Variants in NUAK1 observed in about 807,000 individuals in gnomAD.
The protein encoded by NUAK1 is NUAK family SNF1-like kinase 1.
Under a neutral mutation model 56.9 loss-of-function variants are expected in NUAK1, and 26 were observed. The observed-to-expected ratio is 0.46, with a 90% CI of 0.33 to 0.63. NUAK1 has a LOEUF of 0.63. Ranked by LOEUF, NUAK1 falls within the 30% of genes least tolerant of loss-of-function variation. NUAK1 has a pLI of 0.02. For missense variants in NUAK1, 727 were observed against 876.1 expected, an observed-to-expected ratio of 0.83 and a Z score of 2.15; for synonymous variants, 337 against 336.0, an observed-to-expected ratio of 1.00 and a Z score of -0.03.
chr12:106,066,482 C>T lies in NUAK1; in HGVS notation c.*320G>A, dbSNP rs965343919. On this transcript the variant is annotated 3_prime_UTR_variant, in exon 7 of 7. Coordinates refer to ENST00000261402, the MANE Select transcript of NUAK1 (RefSeq NM_014840.3). ...CATCTGGATGACTTCTAAGGAAATG[C>T]TCCTTCCACATATGCTTCCTCTCCA... 6.1e-6 allele frequency: 2 copies of T among 325,664 alleles called. No homozygotes were observed. The highest frequency in any genetic ancestry group is 4.6e-5 in the Admixed American group (1 of 21,684). The allele number at this position is 325,664 out of a possible 1,614,324, so 20.2% of individuals were successfully genotyped here.
chr12:106,100,401 G>C (rs969424446), intron 2 of NUAK1, among the ~76,000 whole-genome samples: 2 of 152,058 alleles, frequency 1.3e-5, no homozygotes, highest in Non-Finnish European at 2.9e-5. Context: ...TGCGCATGCT[G>C]TTCCCTTTGT....
chr12:106,127,252 A>T (rs1291565641), intron 1 of NUAK1, among the ~76,000 whole-genome samples: 1 of 151,938 alleles, frequency 6.6e-6, no homozygotes, highest in Non-Finnish European at 1.5e-5. Flanking sequence ...GTGGCCTCCA[A>T]CTCCTGGGCT....
At position 106,083,929 on chromosome 12, in the gene NUAK1, T is replaced by C; in HGVS notation, c.514A>G (p.Asn172Asp). 6.2e-7 allele frequency: 1 copy of C among 1,613,622 alleles called. No homozygotes were observed. Among genetic ancestry groups the C allele is most frequent in the Non-Finnish European group, 8.5e-7 (1 of 1,179,594 alleles). The stretch of plus-strand genomic sequence containing the variant: ...TTCAAGTCCCGGTGGACCACACCGT[T>C]CTGAAATGAGAAGACAAAGAGGGAA... ...IVSAVHYCHK[N>D]GVVHRDLKLE... Residue 172 changes from asparagine (N) to aspartate (D), a missense_variant and splice_region_variant, in exon 4 of 7, where the codon AAC becomes GAC. Asn to Asp is a conservative substitution (Grantham distance 23, BLOSUM62 1). Transcript: ENST00000261402.
chr12:106,074,648 G>A (rs1171178906), intron 4 of NUAK1, among the ~76,000 whole-genome samples: 1 of 152,094 alleles, frequency 6.6e-6, no homozygotes, highest in Non-Finnish European at 1.5e-5. Context: ...CATTCTCCAA[G>A]CTGATTTCCA....
At chr12:106,118,457 T>C (rs932144835) in intron 1 of NUAK1, among the ~76,000 whole-genome samples, 2 of 152,238 alleles carry the variant, frequency 1.3e-5, no homozygotes, top group African/African-American at 2.4e-5. Flanking sequence ...TTCTCTGGAA[T>C]GTAAAGCCTT....
chr12:106,122,895 A>G (rs1162538928), intron 1 of NUAK1, among the ~76,000 whole-genome samples: 1 of 152,226 alleles, frequency 6.6e-6, no homozygotes, highest in Non-Finnish European at 1.5e-5. Context: ...GAGCCACTGG[A>G]CTGAATAAGC....
At chr12:106,130,500 C>T (rs139796222) in intron 1 of NUAK1, among the ~76,000 whole-genome samples, 82 of 152,218 alleles carry the variant, frequency 5.4e-4, no homozygotes, top group African/African-American at 1.9e-3. Flanking sequence ...TGTGTTGAGC[C>T]CCAATGTGGG....
chr12:106,138,742 C>A lies in NUAK1; in HGVS notation c.-89G>T, dbSNP rs1239916366. On this transcript the variant is annotated 5_prime_UTR_variant, in exon 1 of 7. Coordinates refer to ENST00000261402, the MANE Select transcript of NUAK1 (RefSeq NM_014840.3). The surrounding 1 kb of genome is among the most constrained non-coding windows in gnomAD (Gnocchi z 5.0). The stretch of plus-strand genomic sequence containing the variant: ...GTCCCCACCGAGGGAAGCCGCTGTA[C>A]GCTCAAGGTCGCCCCCGCAGCATCA... The A allele has an allele frequency of 5.0e-6, 7 of 1,411,950 alleles. No homozygotes were observed. The highest frequency in any genetic ancestry group is 6.4e-6 in the Non-Finnish European group (7 of 1,086,744). The allele number at this position is 1,411,950 out of a possible 1,614,324, so 87.5% of individuals were successfully genotyped here. A position where few individuals can be genotyped will look rare whatever the true frequency, so the allele number is the denominator to read the frequency against.
chr12:106,122,681 A>T (rs1235932341), intron 1 of NUAK1, among the ~76,000 whole-genome samples: 5 of 152,222 alleles, frequency 3.3e-5, no homozygotes, highest in Non-Finnish European at 7.3e-5. Context: ...CCCATTGTCC[A>T]GAGCTGTGTT....
chr12:106,071,372 G>C (rs1164591482), intron 5 of NUAK1, among the ~76,000 whole-genome samples: 1 of 152,092 alleles, frequency 6.6e-6, no homozygotes, highest in African/African-American at 2.4e-5. Context: ...AATGAATCAG[G>C]AATTACAAAC....
intron 1 of NUAK1, among the ~76,000 whole-genome samples, chr12:106,128,763 G>T (rs113813703): frequency 6.6e-6 from 1 of 152,192 alleles, no homozygotes. Flanking sequence ...CCCTTCCAGG[G>T]AAGGAGCTAA....
At chr12:106,088,969 G>A (rs1189117440) in intron 2 of NUAK1, among the ~76,000 whole-genome samples, 1 of 152,192 alleles carries the variant, frequency 6.6e-6, no homozygotes, top group African/African-American at 2.4e-5. Flanking sequence ...GGAGGAGGAG[G>A]AGAGAACATC....
At chr12:106,076,391 A>T (rs10861554) in intron 4 of NUAK1, among the ~76,000 whole-genome samples, 1 of 151,940 alleles carries the variant, frequency 6.6e-6, no homozygotes, top group Non-Finnish European at 1.5e-5. Flanking sequence ...GACTGGGCTG[A>T]AGAATTTTGC....
chr12:106,073,782 C>T (rs1360950044), intron 4 of NUAK1, among the ~76,000 whole-genome samples: 3 of 151,778 alleles, frequency 2.0e-5, no homozygotes, highest in Non-Finnish European at 4.4e-5. Context: ...CACACCACTG[C>T]ACTCCAGCCT....
In NUAK1 at chr12:106,064,500, G is replaced by C. The variant is rs542682087; in HGVS notation, c.*2302C>G. The C allele has an allele frequency of 2.0e-5, 3 of 152,222 alleles. No individual in the cohort carries two copies. Among genetic ancestry groups the C allele is most frequent in the Non-Finnish European group, 4.4e-5 (3 of 68,060 alleles). The allele number at this position is 152,222 out of a possible 1,614,324, so 9.4% of individuals were successfully genotyped here. A position where few individuals can be genotyped will look rare whatever the true frequency, so the allele number is the denominator to read the frequency against. ...TCCTGACAAAAGAGAACACGTGTTTGGGGGGAGGAAGAAGGGAGTAGACTG... is the reference window on the plus strand; with the variant it reads ...TCCTGACAAAAGAGAACACGTGTTTCGGGGGAGGAAGAAGGGAGTAGACTG... On this transcript the variant is annotated 3_prime_UTR_variant, in exon 7 of 7. Transcript: ENST00000261402.
intron 2 of NUAK1, among the ~76,000 whole-genome samples, chr12:106,089,875 C>T (rs1049105056): frequency 2.0e-5 from 3 of 152,194 alleles, no homozygotes; most frequent in African/African-American, 7.2e-5. Flanking sequence ...GGTTGCCAGA[C>T]CTCACACTTG....
chr12:106,129,045 G>A (rs1023842504), intron 1 of NUAK1, among the ~76,000 whole-genome samples: 7 of 152,236 alleles, frequency 4.6e-5, no homozygotes, highest in Non-Finnish European at 8.8e-5. Context: ...CTTCTCAGAT[G>A]GAGGGCTGGA....
intron 2 of NUAK1, chr12:106,103,223 C>T (rs1288190117): frequency 6.6e-6 from 1 of 152,250 alleles, no homozygotes; most frequent in African/African-American, 2.4e-5. Context: ...CGCCAGCAAC[C>T]ACAGACTGCC....
At chr12:106,115,806 C>CT (rs1224879600) in intron 1 of NUAK1, among the ~76,000 whole-genome samples, 1 of 152,200 alleles carries the variant, frequency 6.6e-6, no homozygotes, top group Admixed American at 6.5e-5. Context: ...GTACTCAACT[C>CT]TCAGTTCCTA....
Sources: allele counts gnomAD v4.1 joint callset (sites outside exome capture counted in the v4.1 genomes callset), GRCh38; gene constraint gnomAD v4.1.1; non-coding constraint Gnocchi (gnomAD v3.1); transcripts MANE v1.5; gene names NCBI Gene and HGNC (gene_info 2026-07-23, HGNC 2026-07-21).